Variants in GOLGA5 observed in about 807,000 individuals in gnomAD.
The protein encoded by GOLGA5 is golgin A5, also known as golgin subfamily A member 5.
In GOLGA5, 50 loss-of-function variants were observed where a neutral mutation model predicts 93.5. The ratio of observed to expected loss-of-function variants is 0.53; its 90% CI spans 0.43 to 0.68. The LOEUF (loss-of-function observed/expected upper bound fraction) is 0.68, where lower values mean the gene tolerates loss of function less well. Among genes scored for constraint, GOLGA5 ranks in the 30% least tolerant of loss-of-function variants. The pLI, the probability that GOLGA5 is intolerant of heterozygous loss-of-function variation, is 0.00. For synonymous variants in GOLGA5, 312 were observed against 304.5 expected, an observed-to-expected ratio of 1.02 and a Z score of -0.26; for missense variants, 760 against 856.4, an observed-to-expected ratio of 0.89 and a Z score of 1.40.
chr14:92,799,689 C>T (rs1234305115), intron 2 of GOLGA5, among the ~76,000 whole-genome samples: 4 of 152,074 alleles, frequency 2.6e-5, no homozygotes, highest in African/African-American at 9.7e-5. Flanking sequence ...TCACTGCAAC[C>T]TCCACCTCCT....
intron 5 of GOLGA5, chr14:92,810,651 T>C (rs563495198): frequency 4.8e-6 from 1 of 206,956 alleles, no homozygotes; most frequent in African/African-American, 2.3e-5. Context: ...ATTATTTGAT[T>C]AAATGCTAAT....
intron 9 of GOLGA5, 32 bp from the exon 10 acceptor site, chr14:92,833,090 T>C (rs753861888): frequency 5.0e-5 from 59 of 1,182,840 alleles, no homozygotes; most frequent in Non-Finnish European, 6.6e-5. Flanking sequence ...TTTCATTTTA[T>C]GTAAGAATTT....
chr14:92,836,433 A>G (rs1227673196), intron 11 of GOLGA5, among the ~76,000 whole-genome samples: 1 of 152,208 alleles, frequency 6.6e-6, no homozygotes, highest in African/African-American at 2.4e-5. Context: ...ATCTAGTTCA[A>G]CTATTCATTT....
intron 11 of GOLGA5, among the ~76,000 whole-genome samples, chr14:92,836,012 T>G (rs1885634553): frequency 6.6e-6 from 1 of 152,032 alleles, no homozygotes. Context: ...CTCTACTTCA[T>G]GTAAAAGTAT....
Position 92,816,244 on chromosome 14 carries a change from A to G in GOLGA5, c.1321-7A>G, listed in dbSNP as rs781614975. On this transcript the variant is annotated splice_polypyrimidine_tract_variant and splice_region_variant and intron_variant, in intron 6 of 12. Coordinates refer to ENST00000163416, the MANE Select transcript of GOLGA5 (RefSeq NM_005113.4). ...TTTGCTTAAACATATTTCTTCTTTT[A>G]TAATAGTCTAAGGAAAAATTGATTA... The G allele has an allele frequency of 1.3e-6, 2 of 1,595,030 alleles. No individual in the cohort carries two copies. The highest frequency in any genetic ancestry group is 2.2e-5 in the East Asian group (1 of 44,762).
At chr14:92,836,963 C>T (rs750451698) in intron 11 of GOLGA5, among the ~76,000 whole-genome samples, 8 of 151,826 alleles carry the variant, frequency 5.3e-5, no homozygotes, top group Non-Finnish European at 7.4e-5. Flanking sequence ...CCCAGCTACT[C>T]GGGAGGCTGA....
intron 8 of GOLGA5, among the ~76,000 whole-genome samples, chr14:92,820,578 G>A (rs1414051602): frequency 6.6e-6 from 1 of 152,168 alleles, no homozygotes; most frequent in Non-Finnish European, 1.5e-5. Context: ...TCGGGCTGGG[G>A]GACGGTCAGG....
At chr14:92,838,167 A>G (rs1332643860) in intron 12 of GOLGA5, among the ~76,000 whole-genome samples, 2 of 152,336 alleles carry the variant, frequency 1.3e-5, no homozygotes, top group East Asian at 1.9e-4. Context: ...TCTTACCTCT[A>G]GTAAAATGGT....
chr14:92,839,238 C>T, intron 12 of GOLGA5, 128 bp from the exon 13 acceptor site: 1 of 625,104 alleles, frequency 1.6e-6, no homozygotes, highest in Non-Finnish European at 2.9e-6. Context: ...TTGTTTCATT[C>T]ATTCCTTCAT....
At chr14:92,834,665 T>C (rs1326246574) in intron 10 of GOLGA5, among the ~76,000 whole-genome samples, 1 of 152,174 alleles carries the variant, frequency 6.6e-6, no homozygotes, top group Non-Finnish European at 1.5e-5. Context: ...TCCAGAGAGC[T>C]TAGAATAGGC....
chr14:92,798,133 ACAT>A, intron 2 of GOLGA5, 152 bp downstream of exon 2: 2 of 619,142 alleles, frequency 3.2e-6, no homozygotes, highest in South Asian at 2.1e-5. Context: ...AACAAGGGAG[ACAT>A]CATTGACTAC....
chr14:92,801,872 C>A (rs746814812), intron 2 of GOLGA5, among the ~76,000 whole-genome samples: 11 of 151,698 alleles, frequency 7.3e-5, no homozygotes, highest in Non-Finnish European at 1.3e-4. Flanking sequence ...CCACTTAATT[C>A]TGTTTTATTG....
chr14:92,837,245 TA>T, intron 11 of GOLGA5, 140 bp from the exon 12 acceptor site: 1 of 548,720 alleles, frequency 1.8e-6, no homozygotes, highest in East Asian at 3.0e-5. Context: ...CAGTCTGCTA[TA>T]AAAATTGTTC....
rs199898697 is a variant in GOLGA5, at chr14:92,819,789, A to C, written c.1573A>C (p.Lys525Gln). The part of the protein sequence containing the change: ...QDLHDQIAGQ[K>Q]ASKQELETEL... ...TCTGCATGACCAAATAGCTGGGCAG[A>C]AAGCATCCAAACAAGAACTAGAGAC... Residue 525 changes from lysine to glutamine, a missense_variant, in exon 8 of 13, where the codon AAA (lysine) becomes CAA (glutamine). Physicochemically the swap from Lys to Gln is moderately conservative, Grantham distance 53. Transcript: ENST00000163416. 1 of 1,614,126 alleles carries C rather than the reference A, an allele frequency of 6.2e-7. No individual in the cohort carries two copies. Among genetic ancestry groups the C allele is most frequent in the Non-Finnish European group, 8.5e-7 (1 of 1,179,944 alleles).
chr14:92,838,750 A>AG (rs1276025246), intron 12 of GOLGA5, among the ~76,000 whole-genome samples: 1 of 152,176 alleles, frequency 6.6e-6, no homozygotes, highest in African/African-American at 2.4e-5. Flanking sequence ...TATGCCCCAG[A>AG]GGGGTTGATT....
intron 10 of GOLGA5, 90 bp downstream of exon 10, chr14:92,833,437 C>A: frequency 2.1e-6 from 2 of 949,324 alleles, no homozygotes; most frequent in South Asian, 1.5e-5. Context: ...AAAGAAACTT[C>A]ATCCAGTGAA....
In GOLGA5 at chr14:92,822,955, G is replaced by A. The variant is rs80003420; in HGVS notation, c.1621-1591G>A. ...ATTACAGTTGTGAGCCACTGCACCC[G>A]GCCAGAAGTTGATTTTTATGTAGTC... On this transcript the variant is annotated intron_variant, in intron 8 of 12. Coordinates refer to ENST00000163416, the MANE Select transcript of GOLGA5 (RefSeq NM_005113.4). Among the ~76,000 whole-genome samples, 780 of 152,138 alleles carry A rather than the reference G, an allele frequency of 5.1e-3. 11 individuals carry two copies. Among genetic ancestry groups the A allele is most frequent in the African/African-American group, 0.018 (758 of 41,496 alleles).
Position 92,807,973 on chromosome 14 carries a change from G to T in GOLGA5, c.772+1010G>T, listed in dbSNP as rs890397505. 6.6e-5 allele frequency among the ~76,000 whole-genome samples: 10 copies of T among 152,280 alleles called. No homozygotes were observed. In the East Asian group the frequency reaches 1.9e-3, roughly 29 times the overall value. On this transcript the variant is annotated intron_variant, in intron 3 of 12. Transcript: ENST00000163416. ...CACTAAGCTAGGCGTGGTGGCTCACGCCTGTAATCCCAACACTTTGGGAGG... is the reference window on the plus strand; with the variant it reads ...CACTAAGCTAGGCGTGGTGGCTCACTCCTGTAATCCCAACACTTTGGGAGG...
intron 6 of GOLGA5, among the ~76,000 whole-genome samples, chr14:92,815,684 C>A (rs1235042255): frequency 1.4e-5 from 2 of 145,468 alleles, no homozygotes; most frequent in Admixed American, 7.1e-5. Flanking sequence ...TAAATAAACA[C>A]AAATTTTTTT....
Sources: gnomAD v4.1 joint callset for allele counts (sites outside exome capture counted in the v4.1 genomes callset) on GRCh38, gnomAD v4.1.1 for gene constraint, MANE v1.5 for transcripts, NCBI Gene and HGNC (gene_info 2026-07-23, HGNC 2026-07-21) for gene names.